The following IL13RA1 variants were observed in gnomAD, a reference collection of about 807,000 sequenced individuals.
The protein encoded by IL13RA1 is interleukin 13 receptor subunit alpha 1.
Under a neutral mutation model 33.8 loss-of-function variants are expected in IL13RA1, and 14 were observed. The observed-to-expected ratio is 0.41, with a 90% CI of 0.27 to 0.65. IL13RA1 has a LOEUF of 0.65. Among genes scored for constraint, IL13RA1 ranks in the 30% least tolerant of loss-of-function variants. The pLI, the probability that IL13RA1 is intolerant of heterozygous loss-of-function variation, is 0.28. For missense variants in IL13RA1, 313 were observed against 327.0 expected (o/e 0.96, Z 0.33); for synonymous variants, 116 against 115.7 (o/e 1.00, Z -0.02).
intron 10 of IL13RA1, among the ~76,000 whole-genome samples, chrX:118,784,090 A>AAAATATAT (rs1556372973): frequency 1.6e-5 from 1 of 63,957 alleles, no homozygotes; most frequent in East Asian, 6.7e-4. Context: ...AAAAAAAAAA[A>AAAATATAT]ATATATATAT....
downstream of IL13RA1, among the ~76,000 whole-genome samples, chrX:118,796,198 G>A (rs760264369): frequency 4.9e-4 from 55 of 112,355 alleles, no homozygotes; most frequent in Non-Finnish European, 8.3e-4. Flanking sequence ...CCTATGTGCC[G>A]AGTTACATGT....
In IL13RA1 at chrX:118,777,977, C is replaced by T. The variant is rs141444947; in HGVS notation, c.1191+1466C>T. On this transcript the variant is annotated intron_variant, in intron 10 of 10. Coordinates refer to ENST00000371666, the MANE Select transcript of IL13RA1 (RefSeq NM_001560.3). Reference sequence around the variant, plus strand: ...ATTCATATCCCTGCTGTGTCATTTACCATCTTTTTGACCTTGGATAATTTT... The same window carrying T: ...ATTCATATCCCTGCTGTGTCATTTATCATCTTTTTGACCTTGGATAATTTT... Among the ~76,000 whole-genome samples, 233 of 111,336 alleles carry T rather than the reference C, an allele frequency of 2.1e-3. 1 individual carries two copies. Among genetic ancestry groups the T allele is most frequent in the African/African-American group, 7.3e-3 (223 of 30,596 alleles).
At chrX:118,748,778 T>C (rs956668813) in intron 3 of IL13RA1, among the ~76,000 whole-genome samples, 2 of 111,936 alleles carry the variant, frequency 1.8e-5, no homozygotes, top group African/African-American at 6.5e-5. Flanking sequence ...CATTATACCT[T>C]AACTAAAATG....
chrX:118,798,216 AAT>A (rs1305934225), downstream of IL13RA1, among the ~76,000 whole-genome samples: 1 of 111,751 alleles, frequency 8.9e-6, no homozygotes, highest in East Asian at 2.8e-4. Context: ...TTTTCGTTAA[AAT>A]AGTCAATATT....
chrX:118,730,581 T>A (rs2017205643), intron 1 of IL13RA1, among the ~76,000 whole-genome samples: 1 of 111,320 alleles, frequency 9.0e-6, no homozygotes, highest in African/African-American at 3.3e-5. Flanking sequence ...GGAGAGTGCA[T>A]TGGTAAAGTC....
intron 4 of IL13RA1, among the ~76,000 whole-genome samples, chrX:118,754,970 G>A: frequency 1.1e-5 from 1 of 89,637 alleles, no homozygotes; most frequent in South Asian, 6.1e-4. Context: ...TTTTTTTGGA[G>A]ACAGAGTCTC....
At chrX:118,783,930 A>T (rs1283901389) in intron 10 of IL13RA1, among the ~76,000 whole-genome samples, 1 of 102,690 alleles carries the variant, frequency 9.7e-6, no homozygotes, top group Non-Finnish European at 2.0e-5. Flanking sequence ...TACAAAATTG[A>T]CCAGGCATGG....
At chrX:118,747,136 C>T in intron 3 of IL13RA1, 44 bp downstream of exon 3, 1 of 836,198 alleles carries the variant, frequency 1.2e-6, no homozygotes, top group Non-Finnish European at 1.8e-6. Flanking sequence ...GAGAATAAAT[C>T]TGAATGCTCC....
chrX:118,735,792 C>T (rs2017275564), intron 1 of IL13RA1, among the ~76,000 whole-genome samples: 1 of 111,983 alleles, frequency 8.9e-6, no homozygotes, highest in Non-Finnish European at 1.9e-5. Flanking sequence ...AGGCAATCTG[C>T]CTGCCTTGGC....
intron 10 of IL13RA1, among the ~76,000 whole-genome samples, chrX:118,784,121 A>ATATACG (rs2017884416): frequency 4.2e-5 from 1 of 23,539 alleles, no homozygotes; most frequent in Non-Finnish European, 6.9e-5. Context: ...GTATATATGT[A>ATATACG]TATATATGTA....
chrX:118,750,121 A>T (rs1434173971), intron 4 of IL13RA1, among the ~76,000 whole-genome samples: 1 of 111,368 alleles, frequency 9.0e-6, no homozygotes, highest in Admixed American at 9.6e-5. Flanking sequence ...TCCTATTTCA[A>T]CAGTTTTACA....
intron 10 of IL13RA1, among the ~76,000 whole-genome samples, chrX:118,781,644 G>A (rs956751483): frequency 1.8e-5 from 2 of 112,870 alleles, no homozygotes; most frequent in Non-Finnish European, 1.9e-5. Context: ...GAGCCACCAC[G>A]CCCAGCCTCA....
chrX:118,802,945 G>A, the IL13RA1 span, among the ~76,000 whole-genome samples: 1 of 111,629 alleles, frequency 9.0e-6, no homozygotes, highest in Non-Finnish European at 1.9e-5. Context: ...CCCTAAGGAG[G>A]CTACTACTTT....
At chrX:118,787,193 C>T (rs750572646) in intron 10 of IL13RA1, among the ~76,000 whole-genome samples, 2 of 111,569 alleles carry the variant, frequency 1.8e-5, no homozygotes, top group South Asian at 7.6e-4. Flanking sequence ...CCCTAAGTGT[C>T]AGCCGGTCTG....
chrX:118,784,139 A>ATATATG (rs2017888412), intron 10 of IL13RA1, among the ~76,000 whole-genome samples: 3 of 59,993 alleles, frequency 5.0e-5, no homozygotes, highest in African/African-American at 2.7e-4. Context: ...GTATATATAT[A>ATATATG]TATATATACG....
chrX:118,784,090 AATATAT>A (rs1556372974), intron 10 of IL13RA1, among the ~76,000 whole-genome samples: 4 of 63,957 alleles, frequency 6.3e-5, no homozygotes, highest in South Asian at 1.7e-3. Flanking sequence ...AAAAAAAAAA[AATATAT>A]ATATATATAT....
chrX:118,782,114 C>A (rs2017850272), intron 10 of IL13RA1, among the ~76,000 whole-genome samples: 2 of 110,790 alleles, frequency 1.8e-5, no homozygotes, highest in Admixed American at 1.9e-4. Flanking sequence ...GCTCTGTCAC[C>A]GAGGCTGGAG....
chrX:118,799,483 G>T (rs967814023), downstream of IL13RA1, among the ~76,000 whole-genome samples: 14 of 112,221 alleles, frequency 1.2e-4, no homozygotes, highest in African/African-American at 4.5e-4. Context: ...ACACCAATCA[G>T]CACCCTGTGT....
At chrX:118,781,441 C>T (rs1467927130) in intron 10 of IL13RA1, among the ~76,000 whole-genome samples, 1 of 111,122 alleles carries the variant, frequency 9.0e-6, no homozygotes, top group Non-Finnish European at 1.9e-5. Flanking sequence ...CAAACTTTGC[C>T]TCCCAGGTTC....
Sources: gnomAD v4.1 joint callset for allele counts (sites outside exome capture counted in the v4.1 genomes callset) on GRCh38, gnomAD v4.1.1 for gene constraint, MANE v1.5 for transcripts, NCBI Gene and HGNC (gene_info 2026-07-23, HGNC 2026-07-21) for gene names.